Variants in RDX observed in about 807,000 individuals in gnomAD.
RDX encodes the protein radixin.
Under a neutral mutation model 83.7 loss-of-function variants are expected in RDX, and 32 were observed. The observed-to-expected ratio is 0.38, with a 90% CI of 0.29 to 0.51. RDX has a LOEUF of 0.51. Among genes scored for constraint, RDX ranks in the 20% least tolerant of loss-of-function variants. The probability of loss-of-function intolerance (pLI) is 0.87; values close to 1 mark genes in which losing one functional copy is unlikely to be tolerated. For synonymous variants in RDX, 229 were observed against 222.7 expected, an observed-to-expected ratio of 1.03 and a Z score of -0.25; for missense variants, 600 against 689.9, an observed-to-expected ratio of 0.87 and a Z score of 1.46.
At chr11:110,244,964 GTTT>G (rs200267779) in intron 10 of RDX, among the ~76,000 whole-genome samples, 2 of 136,296 alleles carry the variant, frequency 1.5e-5, no homozygotes, top group Admixed American at 1.5e-4. Context: ...GTACTTCAAA[GTTT>G]TTTTTTTTTT....
At chr11:110,255,162 A>T in intron 8 of RDX, 127 bp downstream of exon 8, 1 of 590,584 alleles carries the variant, frequency 1.7e-6, no homozygotes, top group South Asian at 2.2e-5. Flanking sequence ...GGGAAAGCTG[A>T]CCTATGGAAA....
rs149915672 is a variant in RDX at position 110,233,327 on chromosome 11, T to A, written c.1497A>T (p.Glu499Asp). The A allele has an allele frequency of 4.8e-5, 78 of 1,614,180 alleles. 1 individual carries two copies. The African/African-American group carries it at 9.5e-4, about 20-fold the overall frequency. The change falls in exon 13 of 14, where the codon GAA (glutamate) becomes GAT (aspartate). Residue 499 changes from glutamate to aspartate, a missense_variant. Physicochemically the swap from Glu to Asp is conservative, Grantham distance 45. Transcript: ENST00000645495. ...HDENNAEASA[E>D]LSNEGVMNHR... ...GGTTCATTACCCCTTCATTTGATAA[T>A]TCAGCACTAGCTTCAGCATTATTCT...
intron 15 of RDX, among the ~76,000 whole-genome samples, chr11:110,186,430 G>GT (rs61035507): frequency 4.0e-5 from 6 of 151,130 alleles, no homozygotes; most frequent in South Asian, 2.1e-4. Flanking sequence ...TTCATCACTC[G>GT]TTTTTTTTTC....
chr11:110,206,275 A>AAT (rs1863600909), intron 14 of RDX, among the ~76,000 whole-genome samples: 1 of 151,290 alleles, frequency 6.6e-6, no homozygotes, highest in Non-Finnish European at 1.5e-5. Flanking sequence ...AAAAAAAAAA[A>AAT]TACTGGTAAC....
At position 110,201,949 on chromosome 11, in the gene RDX, G is replaced by A. The variant is rs542863052; in HGVS notation, c.1749-2271C>T. On this transcript the variant is annotated intron_variant, in intron 14 of 15. Transcript: ENST00000528498. ...TGTGTGTGTGTGTGTGTGTGTGTGT[G>A]TGTGTGTTTTCAGTAGAGTTAAGGT... is the stretch of plus-strand genomic sequence containing the variant. 4.5e-4 allele frequency among the ~76,000 whole-genome samples: 54 copies of A among 120,994 alleles called. 1 individual carries two copies. The highest frequency in any genetic ancestry group is 5.4e-5 in the Non-Finnish European group (3 of 55,756). The allele number at this position is 120,994 out of a possible 152,430, so 79.4% of individuals were successfully genotyped here.
At chr11:110,259,294 CATGATT>C (rs1317714135) in intron 5 of RDX, among the ~76,000 whole-genome samples, 1 of 152,196 alleles carries the variant, frequency 6.6e-6, no homozygotes, top group Non-Finnish European at 1.5e-5. Context: ...GCAAAGTCAA[CATGATT>C]ATAAGTTACC....
At chr11:110,227,368 A>C (rs1864468702), downstream of RDX, among the ~76,000 whole-genome samples, 1 of 152,142 alleles carries the variant, frequency 6.6e-6, no homozygotes, top group African/African-American at 2.4e-5. Flanking sequence ...GTAAGTAAAA[A>C]ACTAAAACCA....
At chr11:110,202,598 T>C (rs999980612) in intron 14 of RDX, among the ~76,000 whole-genome samples, 1 of 148,344 alleles carries the variant, frequency 6.7e-6, no homozygotes, top group Non-Finnish European at 1.5e-5. Context: ...TTTCTTTCTT[T>C]TTTTTTTTTT....
chr11:110,175,593 G>C (rs1862757878), intron 15 of RDX, among the ~76,000 whole-genome samples: 1 of 152,208 alleles, frequency 6.6e-6, no homozygotes, highest in Non-Finnish European at 1.5e-5. Context: ...TCAGTGCACA[G>C]AGGGTCCCCC....
At chr11:110,258,505 T>C (rs1417250118) in intron 5 of RDX, among the ~76,000 whole-genome samples, 1 of 152,184 alleles carries the variant, frequency 6.6e-6, no homozygotes, top group Non-Finnish European at 1.5e-5. Context: ...TACAACTGCA[T>C]AATAATCAGT....
chr11:110,225,254 T>C (rs1178268078), downstream of RDX, among the ~76,000 whole-genome samples: 1 of 152,102 alleles, frequency 6.6e-6, no homozygotes, highest in Non-Finnish European at 1.5e-5. Flanking sequence ...TCATCAAAAT[T>C]AAAAACTTTT....
At chr11:110,285,625 A>AT (rs911100329) in intron 1 of RDX, among the ~76,000 whole-genome samples, 6 of 149,400 alleles carry the variant, frequency 4.0e-5, no homozygotes, top group Admixed American at 2.7e-4. Flanking sequence ...AGGCAGGAGA[A>AT]TCGCTTGAAT....
chr11:110,255,740 TA>T (rs1224342725), intron 7 of RDX, among the ~76,000 whole-genome samples: 7 of 152,010 alleles, frequency 4.6e-5, no homozygotes, highest in African/African-American at 1.7e-4. Flanking sequence ...ACAGTTTAAA[TA>T]TGTGTAAGAA....
At chr11:110,247,980 A>ACTTC in intron 9 of RDX, 147 bp from the exon 10 acceptor site, 4 of 855,530 alleles carry the variant, frequency 4.7e-6, no homozygotes, top group Non-Finnish European at 7.2e-6. Flanking sequence ...TAAGTGAAGT[A>ACTTC]ACTCAGAACA....
At chr11:110,224,151 T>C (rs1169864983) in intron 14 of RDX, among the ~76,000 whole-genome samples, 1 of 151,990 alleles carries the variant, frequency 6.6e-6, no homozygotes, top group East Asian at 1.9e-4. Context: ...TATGTTTTGG[T>C]GAACATAATC....
chr11:110,237,724 A>G lies in RDX; in HGVS notation c.1091-72T>C, dbSNP rs762168268. On this transcript the variant is annotated intron_variant, in intron 10 of 13. Transcript: ENST00000645495. ...TCTCATTATCAAAAGAAGCTAAAAT[A>G]GTAGCAAGAAATCAAATCTGTTCAA... 3 of 1,505,214 alleles carry G rather than the reference A, an allele frequency of 2.0e-6. No individual in the cohort carries two copies. The Admixed American group carries it at 5.0e-5, about 25-fold the overall frequency. The allele number at this position is 1,505,214 out of a possible 1,614,324, so 93.2% of individuals were successfully genotyped here. A position where few individuals can be genotyped will look rare whatever the true frequency, so the allele number is the denominator to read the frequency against.
Position 110,229,521 on chromosome 11 carries a change from T to C in RDX, c.*2348A>G, listed in dbSNP as rs1178325321. 1.3e-5 allele frequency: 2 copies of C among 152,486 alleles called. No homozygotes were observed. The highest frequency in any genetic ancestry group is 3.8e-4 in the East Asian group (2 of 5,202). 9.4% of individuals were successfully genotyped at this position (152,486 alleles called of 1,614,324 possible). The stretch of plus-strand genomic sequence containing the variant: ...TAGAGATGTAATTGTAACTTAATTG[T>C]ACAACACAAAATTATGCTAATGGTA... On this transcript the variant is annotated 3_prime_UTR_variant, in exon 14 of 14. Coordinates refer to ENST00000645495, the MANE Select transcript of RDX (RefSeq NM_002906.4).
chr11:110,270,763 T>A (rs1221597106), intron 3 of RDX, among the ~76,000 whole-genome samples: 1 of 152,228 alleles, frequency 6.6e-6, no homozygotes, highest in African/African-American at 2.4e-5. Context: ...TTTTCCTGTA[T>A]CCAAGTGAAA....
At chr11:110,261,406 T>C (rs892705052) in intron 5 of RDX, among the ~76,000 whole-genome samples, 5 of 152,232 alleles carry the variant, frequency 3.3e-5, no homozygotes, top group Non-Finnish European at 5.9e-5. Context: ...TAAACTTTTC[T>C]ACAGTAAGAA....
Sources: allele counts gnomAD v4.1 joint callset (sites outside exome capture counted in the v4.1 genomes callset), GRCh38; gene constraint gnomAD v4.1.1; transcripts MANE v1.5; gene names NCBI Gene and HGNC (gene_info 2026-07-23, HGNC 2026-07-21).